BIRC6: variants seen among roughly 807,000 people sequenced by gnomAD.
BIRC6 encodes baculoviral IAP repeat containing 6.
In BIRC6, 98 loss-of-function variants were observed where a neutral mutation model predicts 503.3. That is an observed-to-expected ratio of 0.19 (90% confidence interval 0.17 to 0.23). The LOEUF (loss-of-function observed/expected upper bound fraction) is 0.23, where lower values mean the gene tolerates loss of function less well. Among genes scored for constraint, BIRC6 ranks in the 10% least tolerant of loss-of-function variants. The pLI is 1.00. For synonymous variants in BIRC6, 2,240 were observed against 2,078.7 expected (o/e 1.08, Z -2.11); for missense variants, 5,360 against 5,806.0 (o/e 0.92, Z 2.50).
chr2:32,503,594 G>T (rs1018267779), intron 49 of BIRC6, among the ~76,000 whole-genome samples: 36 of 152,002 alleles, frequency 2.4e-4, no homozygotes, highest in Admixed American at 5.2e-4. Flanking sequence ...GCTAATTTTT[G>T]TATTTTTAGT....
chr2:32,402,505 T>C (rs2040714234), intron 8 of BIRC6, among the ~76,000 whole-genome samples: 1 of 152,230 alleles, frequency 6.6e-6, no homozygotes, highest in Non-Finnish European at 1.5e-5. Context: ...GTCCTTTCAT[T>C]AAGGAATAAT....
Position 32,414,977 on chromosome 2 carries a change from T to G in BIRC6, c.1686T>G (p.Ile562Met), listed in dbSNP as rs979800664. 6.2e-7 allele frequency: 1 copy of G among 1,613,792 alleles called. No homozygotes were observed. The highest frequency in any genetic ancestry group is 8.5e-7 in the Non-Finnish European group (1 of 1,179,854). Residue 562 changes from isoleucine to methionine, a missense_variant, in exon 10 of 74, where the codon ATT (isoleucine) becomes ATG (methionine). Ile to Met is a conservative substitution (Grantham distance 10, BLOSUM62 1). This residue lies in a region of BIRC6 where 700 missense variants were observed against 739.3 expected (regional missense o/e 0.95). Coordinates refer to ENST00000421745, the MANE Select transcript of BIRC6 (RefSeq NM_016252.4). The stretch of plus-strand genomic sequence containing the variant: ...AAAAGCACCAGGAGCAACACAACAT[T>G]CCTTTTCCATGTTTATTAGCTGGAG... ...TKEKHQEQHN[I>M]PFPCLLAGGL...
chr2:32,401,715 A>G, intron 8 of BIRC6, 92 bp downstream of exon 8: 4 of 1,183,328 alleles, frequency 3.4e-6, no homozygotes, highest in Non-Finnish European at 4.6e-6. Flanking sequence ...AGAGGAGGAA[A>G]AAAAAGTTAC....
intron 23 of BIRC6, among the ~76,000 whole-genome samples, chr2:32,458,293 C>G (rs2047464016): frequency 6.6e-6 from 1 of 152,100 alleles, no homozygotes; most frequent in African/African-American, 2.4e-5. Context: ...GATAGGACTT[C>G]TTGAATCTTT....
At chr2:32,576,090 A>G (rs2060249562) in intron 66 of BIRC6, among the ~76,000 whole-genome samples, 1 of 152,346 alleles carries the variant, frequency 6.6e-6, no homozygotes, top group East Asian at 1.9e-4. Context: ...TTAACTATTT[A>G]TTAGTAGATT....
chr2:32,359,250 G>A (rs961182183), intron 1 of BIRC6, among the ~76,000 whole-genome samples: 2 of 152,156 alleles, frequency 1.3e-5, no homozygotes, highest in Admixed American at 6.6e-5. Context: ...TATGTACTAG[G>A]ATTTCTAAAG....
At chr2:32,420,032 C>G (rs558169984) in intron 10 of BIRC6, among the ~76,000 whole-genome samples, 1 of 152,274 alleles carries the variant, frequency 6.6e-6, no homozygotes, top group African/African-American at 2.4e-5. Flanking sequence ...ATCAACTTTG[C>G]GTTCCTGGGA....
rs35410265 is a variant in BIRC6 at position 32,521,365 on chromosome 2, CAAAAAAAAAA to C, written c.11623+2438_11623+2447del. ...TGGGCAACATAGCAAGACCTCATCT[CAAAAAAAAAA>C]AAAAAAAAAAAAAAAAAAGCAAAGA... On this transcript the variant is annotated intron_variant, in intron 57 of 73. Transcript: ENST00000421745. 6.5e-3 allele frequency among the ~76,000 whole-genome samples: 140 copies of C among 21,520 alleles called. 2 individuals carry two copies. Among genetic ancestry groups the C allele is most frequent in the Admixed American group, 0.013 (12 of 896 alleles). The allele number at this position is 21,520 out of a possible 152,430, so 14.1% of individuals were successfully genotyped here.
At chr2:32,436,475 C>A (rs12992095) in intron 15 of BIRC6, among the ~76,000 whole-genome samples, 28,886 of 152,106 alleles carry the variant, frequency 0.19, 3,712 homozygotes, top group East Asian at 0.55. Context: ...AGTAAGCAGA[C>A]ATAATGTTCT....
At position 32,525,487 on chromosome 2, in the gene BIRC6, G is replaced by C. The variant is rs762079870; in HGVS notation, c.11779G>C (p.Ala3927Pro). The change falls in exon 59 of 74, where the codon GCT becomes CCT. Residue 3927 changes from alanine to proline, a missense_variant. Physicochemically the swap from Ala to Pro is conservative, Grantham distance 27. Coordinates refer to ENST00000421745, the MANE Select transcript of BIRC6 (RefSeq NM_016252.4). ...AGGGCTGAAGTCTCAATCTAAACGT[G>C]CTGTGTCAGCTACACCACCTCGCCC... ...ASGLKSQSKR[A>P]VSATPPRPPS... The C allele has an allele frequency of 6.2e-7, 1 of 1,613,944 alleles. No individual in the cohort carries two copies. The highest frequency in any genetic ancestry group is 8.5e-7 in the Non-Finnish European group (1 of 1,179,860).
intron 1 of BIRC6, among the ~76,000 whole-genome samples, chr2:32,365,608 C>T (rs763807948): frequency 2.6e-5 from 4 of 152,196 alleles, no homozygotes; most frequent in South Asian, 2.1e-4. Context: ...TGTGAGCCAC[C>T]GTGCCCGGTC....
chr2:32,398,428 G>A (rs1262518077), intron 6 of BIRC6, among the ~76,000 whole-genome samples: 1 of 152,172 alleles, frequency 6.6e-6, no homozygotes, highest in Admixed American at 6.5e-5. Flanking sequence ...ACTGTATCAA[G>A]AAATCTTTCG....
intron 10 of BIRC6, among the ~76,000 whole-genome samples, chr2:32,424,691 T>C (rs2043293600): frequency 6.6e-6 from 1 of 152,026 alleles, no homozygotes; most frequent in Non-Finnish European, 1.5e-5. Flanking sequence ...TTTTGTATTT[T>C]TAGTAGAGAC....
intron 65 of BIRC6, among the ~76,000 whole-genome samples, chr2:32,567,968 C>T (rs1053911058): frequency 7.2e-5 from 11 of 152,112 alleles, no homozygotes; most frequent in African/African-American, 2.4e-4. Context: ...AAAAATTAGC[C>T]AGGCATGGTG....
chr2:32,553,245 T>G (rs1269691472), intron 65 of BIRC6, among the ~76,000 whole-genome samples: 1 of 132,898 alleles, frequency 7.5e-6, no homozygotes, highest in African/African-American at 2.7e-5. Flanking sequence ...GATAAATTCC[T>G]GATATTTCAT....
intron 10 of BIRC6, among the ~76,000 whole-genome samples, chr2:32,424,600 T>C (rs1190981885): frequency 6.6e-6 from 1 of 151,920 alleles, no homozygotes; most frequent in African/African-American, 2.4e-5. Flanking sequence ...CTGCAACCTT[T>C]GCCTCCCCGG....
chr2:32,505,311 A>G, intron 50 of BIRC6, 106 bp downstream of exon 50: 1 of 906,734 alleles, frequency 1.1e-6, no homozygotes, highest in Non-Finnish European at 1.7e-6. Flanking sequence ...TGTGATTACC[A>G]GAGAGTGTAA....
intron 66 of BIRC6, among the ~76,000 whole-genome samples, chr2:32,575,674 A>G (rs887556975): frequency 2.6e-5 from 4 of 152,046 alleles, no homozygotes; most frequent in Non-Finnish European, 4.4e-5. Context: ...CTGAGGCAGG[A>G]GAATGGCGTG....
In BIRC6 at chr2:32,545,703, G is replaced by A. The variant is rs775201281; in HGVS notation, c.12653G>A (p.Arg4218His). Residue 4218 changes from arginine (R) to histidine (H), a missense_variant, in exon 63 of 74, where the codon CGT becomes CAT. Physicochemically the swap from Arg to His is conservative, Grantham distance 29. Transcript: ENST00000421745. ...CCAACCCTTCCTTTCCACGTCCTTC[G>A]TAGCTTGTTTAGCACTACACCTTTG... The part of the protein sequence containing the change: ...VLPTLPFHVL[R>H]SLFSTTPLTT... The A allele has an allele frequency of 1.9e-5, 30 of 1,613,486 alleles. No individual in the cohort carries two copies. The highest frequency in any genetic ancestry group is 5.5e-5 in the South Asian group (5 of 91,064).
Sources: allele counts gnomAD v4.1 joint callset (sites outside exome capture counted in the v4.1 genomes callset), GRCh38; gene constraint gnomAD v4.1.1; regional missense constraint gnomAD v4.1.1; transcripts MANE v1.5; gene names NCBI Gene and HGNC (gene_info 2026-07-23, HGNC 2026-07-21).